FAT4: variants seen among roughly 807,000 people sequenced by gnomAD.
FAT4 encodes FAT atypical cadherin 4.
Under a neutral mutation model 303.9 loss-of-function variants are expected in FAT4, and 84 were observed. The ratio of observed to expected loss-of-function variants is 0.28; its 90% CI spans 0.23 to 0.33. FAT4 has a LOEUF of 0.33. FAT4 is among the 10% of genes least tolerant of loss of function. The pLI, the probability that FAT4 is intolerant of heterozygous loss-of-function variation, is 1.00. For synonymous variants in FAT4, 2,307 were observed against 2,298.8 expected (o/e 1.00, Z -0.10); for missense variants, 6,005 against 6,146.8 (o/e 0.98, Z 0.77).
At chr4:125,329,694 A>G (rs1731301022) in intron 2 of FAT4, among the ~76,000 whole-genome samples, 1 of 152,172 alleles carries the variant, frequency 6.6e-6, no homozygotes, top group Non-Finnish European at 1.5e-5. Flanking sequence ...TCACTTATTC[A>G]TTGATTAGCT....
chr4:125,489,789 T>C (rs1727539849), intron 17 of FAT4, 112 bp from the exon 18 acceptor site: 2 of 799,874 alleles, frequency 2.5e-6, no homozygotes, highest in African/African-American at 1.7e-5. Context: ...ATTCATGTAT[T>C]CATATGAGGT....
intron 5 of FAT4, among the ~76,000 whole-genome samples, 172 bp from the exon 6 acceptor site, chr4:125,414,712 A>G (rs1045009841): frequency 2.6e-5 from 4 of 152,160 alleles, no homozygotes; most frequent in African/African-American, 9.6e-5. Flanking sequence ...TAACATTTCA[A>G]CACCCTAGTA....
In FAT4 at chr4:125,440,604, T is replaced by TGAGAGAGAGAGA. The variant is rs1263364626; in HGVS notation, c.7200-5688_7200-5687insAGAGAGAGAGAG. Among the ~76,000 whole-genome samples the TGAGAGAGAGAGA allele has an allele frequency of 8.7e-4, 31 of 35,574 alleles. No homozygotes were observed. In the South Asian group the frequency reaches 0.011, roughly 12 times the overall value. 23.3% of individuals were successfully genotyped at this position (35,574 alleles called of 152,430 possible). A position where few individuals can be genotyped will look rare whatever the true frequency, so the allele number is the denominator to read the frequency against. On this transcript the variant is annotated intron_variant, in intron 8 of 17. Transcript: ENST00000394329. ...ACTTGTGTGTGTGTGTGTGTGTGTG[T>TGAGAGAGAGAGA]GTGTGTGAGAGAGAGAGAGAGAGAG...
At chr4:125,427,204 A>G (rs1338679488) in intron 7 of FAT4, among the ~76,000 whole-genome samples, 1 of 151,628 alleles carries the variant, frequency 6.6e-6, no homozygotes, top group Non-Finnish European at 1.5e-5. Context: ...TTTAAAAATT[A>G]TGATAAGATG....
At chr4:125,343,494 G>GAA (rs557211984) in intron 2 of FAT4, among the ~76,000 whole-genome samples, 5 of 146,728 alleles carry the variant, frequency 3.4e-5, no homozygotes, top group African/African-American at 1.3e-4. Context: ...TTGCTAAGAA[G>GAA]AAAAAAAAAA....
At chr4:125,453,196 T>G (rs1181021589) in intron 10 of FAT4, among the ~76,000 whole-genome samples, 1 of 152,156 alleles carries the variant, frequency 6.6e-6, no homozygotes, top group Non-Finnish European at 1.5e-5. Flanking sequence ...GAGAATAATA[T>G]CTACTTAAAA....
At chr4:125,327,006 C>T (rs1205055081) in intron 2 of FAT4, among the ~76,000 whole-genome samples, 3 of 152,124 alleles carry the variant, frequency 2.0e-5, no homozygotes, top group Admixed American at 6.5e-5. Context: ...GGCTGGGTGA[C>T]AGAATTAGAC....
In FAT4 at chr4:125,451,946, T is replaced by C; in HGVS notation, c.10936T>C (p.Leu3646=). ...TGTGAAGCCACAGGATCCAGATGTG[T>C]TAGACAGCTTCCACTGCTCCCTTAC... The part of the protein sequence containing the change: ...GSVKPQDPDV[L]DSFHCSLTSG... The change falls in exon 10 of 18, where the codon TTA becomes CTA. Residue 3646 remains leucine, a synonymous_variant. Transcript: ENST00000394329. 6.2e-7 allele frequency: 1 copy of C among 1,614,150 alleles called. No homozygotes were observed. Among genetic ancestry groups the C allele is most frequent in the Non-Finnish European group, 8.5e-7 (1 of 1,180,018 alleles).
chr4:125,425,062 C>A (rs1184094905), intron 7 of FAT4, among the ~76,000 whole-genome samples: 1 of 152,070 alleles, frequency 6.6e-6, no homozygotes, highest in African/African-American at 2.4e-5. Flanking sequence ...AAGTTTAGTT[C>A]TCAGGGAAGA....
At chr4:125,423,037 T>G (rs1265549215) in intron 7 of FAT4, among the ~76,000 whole-genome samples, 1 of 152,104 alleles carries the variant, frequency 6.6e-6, no homozygotes, top group African/African-American at 2.4e-5. Flanking sequence ...AGAGATGATT[T>G]AAGGTATCTG....
At chr4:125,417,935 C>A (rs951872357) in intron 7 of FAT4, among the ~76,000 whole-genome samples, 5 of 152,136 alleles carry the variant, frequency 3.3e-5, no homozygotes, top group Non-Finnish European at 5.9e-5. Context: ...ACTGGGTGAT[C>A]TTGAAATTAA....
chr4:125,327,741 C>A (rs1731214092), intron 2 of FAT4, among the ~76,000 whole-genome samples: 1 of 152,108 alleles, frequency 6.6e-6, no homozygotes, highest in African/African-American at 2.4e-5. Context: ...TATTAAAACC[C>A]TAATGATTTT....
At chr4:125,330,469 T>C (rs1731338575) in intron 2 of FAT4, among the ~76,000 whole-genome samples, 1 of 152,186 alleles carries the variant, frequency 6.6e-6, no homozygotes. Context: ...GCTCAACCAA[T>C]CTCATTCCTT....
intron 2 of FAT4, among the ~76,000 whole-genome samples, chr4:125,381,743 GATT>G (rs1733550284): frequency 6.6e-6 from 1 of 152,116 alleles, no homozygotes; most frequent in Admixed American, 6.6e-5. Flanking sequence ...TGTCATGAAA[GATT>G]TCTCTGTAGC....
intron 2 of FAT4, among the ~76,000 whole-genome samples, chr4:125,378,730 C>T (rs2125996873): frequency 6.6e-6 from 1 of 152,180 alleles, no homozygotes; most frequent in South Asian, 2.1e-4. Context: ...AAAATATGGT[C>T]TAATAAACTA....
At position 125,487,469 on chromosome 4, in the gene FAT4, C is replaced by T; in HGVS notation, c.12947C>T (p.Thr4316Ile). The change falls in exon 17 of 18, where the codon ACA becomes ATA. Residue 4316 changes from threonine (T) to isoleucine (I), a missense_variant. By Grantham distance (89) the Thr-to-Ile change is moderately conservative. Transcript: ENST00000394329. ...WHTFLIGKNG[T>I]ATVLSVDRIY... ...ACTTTTCTAATTGGGAAAAATGGAA[C>T]AGCAACAGTATTGTCTGTTGACAGA... 1.2e-6 allele frequency: 2 copies of T among 1,614,044 alleles called. No individual in the cohort carries two copies. The highest frequency in any genetic ancestry group is 1.1e-5 in the South Asian group (1 of 91,078).
At chr4:125,475,918 A>G (rs1438924061) in intron 12 of FAT4, among the ~76,000 whole-genome samples, 1 of 152,106 alleles carries the variant, frequency 6.6e-6, no homozygotes, top group Non-Finnish European at 1.5e-5. Flanking sequence ...AAAACAGGGG[A>G]GCAGGAGAGG....
At chr4:125,423,574 T>C (rs1405991873) in intron 7 of FAT4, among the ~76,000 whole-genome samples, 1 of 152,168 alleles carries the variant, frequency 6.6e-6, no homozygotes, top group Non-Finnish European at 1.5e-5. Context: ...TAAATTTAAT[T>C]GTTAAATAAA....
At chr4:125,389,016 A>T (rs1733875773) in intron 2 of FAT4, among the ~76,000 whole-genome samples, 2 of 152,304 alleles carry the variant, frequency 1.3e-5, no homozygotes, top group Non-Finnish European at 2.9e-5. Context: ...TGTTTGAGAA[A>T]TATAATTGGT....
Sources: gnomAD v4.1 joint callset for allele counts (sites outside exome capture counted in the v4.1 genomes callset) on GRCh38, gnomAD v4.1.1 for gene constraint, MANE v1.5 for transcripts, NCBI Gene and HGNC (gene_info 2026-07-23, HGNC 2026-07-21) for gene names.